Variants in SLC35F3 observed in about 807,000 individuals in gnomAD.
SLC35F3 encodes putative thiamine transporter SLC35F3.
In SLC35F3, 25 loss-of-function variants were observed where a neutral mutation model predicts 49.9. The ratio of observed to expected loss-of-function variants is 0.50; its 90% CI spans 0.37 to 0.70. SLC35F3 has a LOEUF of 0.70. Among genes scored for constraint, SLC35F3 ranks in the 30% least tolerant of loss-of-function variants. SLC35F3 has a pLI of 0.00. For missense variants in SLC35F3, 525 were observed against 639.8 expected, an observed-to-expected ratio of 0.82 and a Z score of 1.94; for synonymous variants, 275 against 265.4, an observed-to-expected ratio of 1.04 and a Z score of -0.35.
At chr1:234,249,733 AT>A (rs1667706561) in intron 3 of SLC35F3, among the ~76,000 whole-genome samples, 1 of 152,254 alleles carries the variant, frequency 6.6e-6, no homozygotes, top group Admixed American at 6.5e-5. Context: ...ATTATCGTTC[AT>A]GGGTGAACTT....
At chr1:234,125,817 C>T (rs1043981225) in intron 2 of SLC35F3, among the ~76,000 whole-genome samples, 1 of 152,180 alleles carries the variant, frequency 6.6e-6, no homozygotes, top group Non-Finnish European at 1.5e-5. Context: ...CGGCATATAC[C>T]TGCCTCTCCA....
chr1:233,938,343 T>C (rs1304965435), intron 2 of SLC35F3, among the ~76,000 whole-genome samples: 2 of 152,176 alleles, frequency 1.3e-5, no homozygotes, highest in South Asian at 2.1e-4. Context: ...TCTGATTGGC[T>C]GAACCCGGGT....
chr1:234,220,853 G>A (rs559871176), intron 2 of SLC35F3, among the ~76,000 whole-genome samples: 8 of 152,320 alleles, frequency 5.3e-5, no homozygotes, highest in Non-Finnish European at 8.8e-5. Context: ...GGGGAGTCAC[G>A]TTTAGAAAAG....
intron 2 of SLC35F3, among the ~76,000 whole-genome samples, chr1:234,165,855 TC>T (rs1666310966): frequency 6.6e-6 from 1 of 152,168 alleles, no homozygotes; most frequent in South Asian, 2.1e-4. Context: ...TCCCTCATCC[TC>T]CCTTCCTTCT....
chr1:234,232,878 C>T (rs570689047), intron 3 of SLC35F3, among the ~76,000 whole-genome samples: 9 of 152,240 alleles, frequency 5.9e-5, no homozygotes, highest in South Asian at 2.1e-4. Flanking sequence ...GCTGGAAGTA[C>T]GGGTGTGATA....
chr1:234,201,834 TAAC>T lies in SLC35F3; in HGVS notation c.284-29581_284-29579del, dbSNP rs1666903740. On this transcript the variant is annotated intron_variant, in intron 2 of 7. Transcript: ENST00000366618. ...AAAAGCAATGGTTTAAAGAAGGGGT[TAAC>T]AGGAGGTGGAGCTTGTAGTGAGCCG... Among the ~76,000 whole-genome samples, 3 of 149,876 alleles carry T rather than the reference TAAC, an allele frequency of 2.0e-5. No individual in the cohort carries two copies. In the South Asian group the frequency reaches 6.3e-4, roughly 32 times the overall value.
intron 2 of SLC35F3, among the ~76,000 whole-genome samples, chr1:233,980,219 G>A (rs1389548970): frequency 6.6e-6 from 1 of 152,200 alleles, no homozygotes; most frequent in Non-Finnish European, 1.5e-5. Context: ...TCTCAATTCA[G>A]CAGATACTTA....
At chr1:233,912,306 C>T (rs946053129) in intron 2 of SLC35F3, among the ~76,000 whole-genome samples, 9 of 151,952 alleles carry the variant, frequency 5.9e-5, no homozygotes, top group South Asian at 4.2e-4. Flanking sequence ...GGTGAAACCC[C>T]GTCTCTACTA....
chr1:234,133,311 C>A (rs1665761081), intron 2 of SLC35F3, among the ~76,000 whole-genome samples: 1 of 152,124 alleles, frequency 6.6e-6, no homozygotes, highest in South Asian at 2.1e-4. Context: ...TTTTAAGAGA[C>A]CCACAGAAAT....
intron 2 of SLC35F3, among the ~76,000 whole-genome samples, chr1:234,143,524 G>A (rs1238905773): frequency 2.6e-5 from 4 of 151,978 alleles, no homozygotes; most frequent in African/African-American, 4.8e-5. Context: ...CCTGACCTCA[G>A]GTGATCCACC....
At chr1:234,186,547 C>T (rs1666646000) in intron 2 of SLC35F3, among the ~76,000 whole-genome samples, 1 of 152,204 alleles carries the variant, frequency 6.6e-6, no homozygotes. Flanking sequence ...CCTGGCACCT[C>T]ATTTGAGGTG....
At chr1:233,907,717 T>G (rs899304540) in intron 2 of SLC35F3, among the ~76,000 whole-genome samples, 9 of 19,316 alleles carry the variant, frequency 4.7e-4, no homozygotes, top group South Asian at 1.4e-3. Flanking sequence ...GTCTTTTTGT[T>G]TTTTTTTTCT....
At chr1:234,050,968 G>A (rs1664368289) in intron 2 of SLC35F3, among the ~76,000 whole-genome samples, 1 of 152,144 alleles carries the variant, frequency 6.6e-6, no homozygotes, top group African/African-American at 2.4e-5. Context: ...TATTATTTCT[G>A]AAGGCTCTGT....
intron 3 of SLC35F3, among the ~76,000 whole-genome samples, chr1:234,265,127 T>C (rs1291548667): frequency 6.6e-6 from 1 of 152,104 alleles, no homozygotes; most frequent in South Asian, 2.1e-4. Flanking sequence ...CCTGGACCTC[T>C]TTCATGAATT....
At chr1:234,136,284 C>CTCT (rs1665810915) in intron 2 of SLC35F3, among the ~76,000 whole-genome samples, 1 of 133,890 alleles carries the variant, frequency 7.5e-6, no homozygotes, top group East Asian at 3.4e-4. Context: ...CTCTTTCTCT[C>CTCT]TTCTTTATTT....
intron 2 of SLC35F3, among the ~76,000 whole-genome samples, chr1:234,022,988 T>G (rs1401027794): frequency 1.3e-5 from 2 of 152,166 alleles, no homozygotes; most frequent in Admixed American, 1.3e-4. Flanking sequence ...AGTAAGGGGC[T>G]GTGGGATCAC....
chr1:234,210,358 G>T (rs1222527535), intron 2 of SLC35F3, among the ~76,000 whole-genome samples: 1 of 152,160 alleles, frequency 6.6e-6, no homozygotes, highest in Non-Finnish European at 1.5e-5. Flanking sequence ...CGAGAATATG[G>T]AAGTGACTTT....
At chr1:234,113,773 G>A (rs1665442956) in intron 2 of SLC35F3, among the ~76,000 whole-genome samples, 2 of 152,232 alleles carry the variant, frequency 1.3e-5, no homozygotes, top group South Asian at 4.1e-4. Context: ...TGAGGCAGGA[G>A]AATTGCTTGA....
At chr1:234,068,869 T>TGGC (rs1306109019) in intron 2 of SLC35F3, among the ~76,000 whole-genome samples, 5 of 121,172 alleles carry the variant, frequency 4.1e-5, no homozygotes, top group Non-Finnish European at 8.5e-5. Flanking sequence ...CATATTTATA[T>TGGC]ATATTTTACA....
Sources: gnomAD v4.1 joint callset for allele counts (sites outside exome capture counted in the v4.1 genomes callset) on GRCh38, gnomAD v4.1.1 for gene constraint, MANE v1.5 for transcripts, NCBI Gene and HGNC (gene_info 2026-07-23, HGNC 2026-07-21) for gene names.